FRMPD4: variants seen among roughly 807,000 people sequenced by gnomAD.
FRMPD4 encodes FERM and PDZ domain-containing protein 4.
In FRMPD4, 22 loss-of-function variants were observed where a neutral mutation model predicts 94.1. The observed-to-expected ratio is 0.23, with a 90% CI of 0.17 to 0.33. The LOEUF is 0.33. Ranked by LOEUF, FRMPD4 falls within the 10% of genes least tolerant of loss-of-function variation. FRMPD4 has a pLI of 1.00. For missense variants in FRMPD4, 1,111 were observed against 1,339.9 expected, an observed-to-expected ratio of 0.83 and a Z score of 2.67; for synonymous variants, 631 against 548.6, an observed-to-expected ratio of 1.15 and a Z score of -2.10.
intron 2 of FRMPD4, among the ~76,000 whole-genome samples, chrX:12,508,863 G>A (rs921802926): frequency 4.6e-5 from 5 of 108,254 alleles, no homozygotes; most frequent in African/African-American, 1.7e-4. Context: ...ATGGTGGTGC[G>A]TGCCTATAAT....
intron 1 of FRMPD4, among the ~76,000 whole-genome samples, chrX:12,349,959 A>G (rs923153888): frequency 8.9e-6 from 1 of 111,790 alleles, no homozygotes; most frequent in African/African-American, 3.2e-5. Flanking sequence ...AACATAAAAC[A>G]TAATATAGCA....
At chrX:12,274,971 T>G (rs1189247524) in intron 1 of FRMPD4, among the ~76,000 whole-genome samples, 1 of 112,081 alleles carries the variant, frequency 8.9e-6, no homozygotes, top group African/African-American at 3.2e-5. Context: ...ATCGCGCCAC[T>G]GCACTCCAGC....
At chrX:12,033,668 G>T (rs949183011) in intron 3 of FRMPD4, among the ~76,000 whole-genome samples, 5 of 111,289 alleles carry the variant, frequency 4.5e-5, no homozygotes, top group African/African-American at 1.6e-4. Flanking sequence ...CACAGAGGAG[G>T]TATTTTAGTT....
intron 3 of FRMPD4, among the ~76,000 whole-genome samples, chrX:12,032,524 A>T (rs1451167805): frequency 8.9e-6 from 1 of 112,309 alleles, no homozygotes; most frequent in Non-Finnish European, 1.9e-5. Flanking sequence ...CAATAGGAAA[A>T]CTACTAGAGA....
At chrX:12,476,943 G>A (rs2057608078) in intron 1 of FRMPD4, among the ~76,000 whole-genome samples, 1 of 111,169 alleles carries the variant, frequency 9.0e-6, no homozygotes, top group South Asian at 3.8e-4. Flanking sequence ...AATACCATTT[G>A]ACCCAGCCTG....
chrX:12,016,798 G>C (rs760672853), intron 3 of FRMPD4, among the ~76,000 whole-genome samples: 1 of 111,855 alleles, frequency 8.9e-6, no homozygotes, highest in Admixed American at 9.4e-5. Context: ...TCTTCCTCAG[G>C]AGAGATTTTC....
chrX:12,575,621 T>G (rs1228216029), intron 2 of FRMPD4, among the ~76,000 whole-genome samples: 1 of 111,985 alleles, frequency 8.9e-6, no homozygotes, highest in African/African-American at 3.3e-5. Context: ...CAAAGGACAG[T>G]TCAGATTGCA....
intron 4 of FRMPD4, among the ~76,000 whole-genome samples, chrX:12,671,286 G>C (rs996612788): frequency 3.6e-5 from 4 of 111,615 alleles, no homozygotes; most frequent in Non-Finnish European, 5.6e-5. Context: ...ACATGCACAC[G>C]TATGTTTATT....
intron 1 of FRMPD4, among the ~76,000 whole-genome samples, chrX:12,485,689 G>A (rs2057732006): frequency 1.8e-5 from 2 of 110,833 alleles, no homozygotes; most frequent in African/African-American, 6.6e-5. Flanking sequence ...AAAAATCTGA[G>A]ATCAAGACCA....
chrX:12,264,608 T>C (rs2054245397), intron 1 of FRMPD4, among the ~76,000 whole-genome samples: 1 of 112,512 alleles, frequency 8.9e-6, no homozygotes. Flanking sequence ...AAGTGTAGGC[T>C]ACCGTATGTT....
chrX:12,060,505 A>G (rs766214873), intron 3 of FRMPD4, among the ~76,000 whole-genome samples: 1 of 110,121 alleles, frequency 9.1e-6, no homozygotes, highest in East Asian at 2.8e-4. Flanking sequence ...AGAAGCCCCA[A>G]CTATATATTT....
chrX:12,541,060 G>T (rs185554357), intron 2 of FRMPD4, among the ~76,000 whole-genome samples: 2,212 of 111,846 alleles, frequency 0.02, 44 homozygotes, highest in African/African-American at 0.066. Context: ...AGACACAACA[G>T]ACCAGAATCT....
At chrX:12,245,512 C>CTTTTTTTTTTT (rs566550884) in intron 1 of FRMPD4, among the ~76,000 whole-genome samples, 1 of 67,578 alleles carries the variant, frequency 1.5e-5, no homozygotes, top group Non-Finnish European at 2.7e-5. Flanking sequence ...CTTATGTCCT[C>CTTTTTTTTTTT]TTTTTTTTTT....
intron 1 of FRMPD4, among the ~76,000 whole-genome samples, chrX:12,161,604 T>A (rs149833276): frequency 7.2e-5 from 8 of 111,867 alleles, no homozygotes; most frequent in Non-Finnish European, 1.1e-4. Flanking sequence ...AACTAACTTA[T>A]CCAAGGAAGA....
chrX:12,314,536 C>CAT (rs747090663), intron 1 of FRMPD4, among the ~76,000 whole-genome samples: 66 of 111,548 alleles, frequency 5.9e-4, no homozygotes, highest in African/African-American at 2.0e-3. Flanking sequence ...TTAAAGGATG[C>CAT]ATAAAAATTA....
intron 3 of FRMPD4, among the ~76,000 whole-genome samples, chrX:12,072,384 A>G (rs2054976610): frequency 8.9e-6 from 1 of 112,181 alleles, no homozygotes; most frequent in Admixed American, 9.4e-5. Flanking sequence ...TCTCCATTCC[A>G]AAATTCATAA....
chrX:12,217,177 C>G (rs1474200720), intron 1 of FRMPD4, among the ~76,000 whole-genome samples: 1 of 111,873 alleles, frequency 8.9e-6, no homozygotes, highest in East Asian at 2.8e-4. Context: ...TTTATGTTAT[C>G]CCCTGGTTCT....
chrX:11,852,455 A>T (rs974865101), intron 1 of FRMPD4, among the ~76,000 whole-genome samples: 1 of 108,785 alleles, frequency 9.2e-6, no homozygotes, highest in Non-Finnish European at 1.9e-5. Flanking sequence ...AAAAAAAAAA[A>T]AAAAAAGAAA....
chrX:11,991,165 C>G (rs1394481078), intron 3 of FRMPD4, among the ~76,000 whole-genome samples: 1 of 111,612 alleles, frequency 9.0e-6, no homozygotes, highest in Admixed American at 9.5e-5. Context: ...AACCTCATGA[C>G]TTCTACCATA....
Sources: allele counts gnomAD v4.1 joint callset (sites outside exome capture counted in the v4.1 genomes callset), GRCh38; gene constraint gnomAD v4.1.1; transcripts MANE v1.5; gene names NCBI Gene and HGNC (gene_info 2026-07-23, HGNC 2026-07-21).